UTRN: variants seen among roughly 807,000 people sequenced by gnomAD.
UTRN encodes the protein dystrophin-related protein 1.
In UTRN, 283 loss-of-function variants were observed where a neutral mutation model predicts 463.9. The ratio of observed to expected loss-of-function variants is 0.61; its 90% CI spans 0.55 to 0.67. The LOEUF (loss-of-function observed/expected upper bound fraction) is 0.67. Ranked by LOEUF, UTRN falls within the 30% of genes least tolerant of loss-of-function variation. UTRN has a pLI of 0.00. For synonymous variants in UTRN, 1,442 were observed against 1,431.5 expected, an observed-to-expected ratio of 1.01 and a Z score of -0.17; for missense variants, 3,922 against 4,084.3, an observed-to-expected ratio of 0.96 and a Z score of 1.08.
At chr6:144,580,816 A>T (rs947839550) in intron 51 of UTRN, among the ~76,000 whole-genome samples, 2 of 152,190 alleles carry the variant, frequency 1.3e-5, no homozygotes, top group African/African-American at 4.8e-5. Flanking sequence ...AATTTAGCTG[A>T]TGGTATGAGG....
chr6:144,741,691 C>T (rs1790110866), intron 54 of UTRN, among the ~76,000 whole-genome samples: 1 of 152,100 alleles, frequency 6.6e-6, no homozygotes, highest in Admixed American at 6.5e-5. Flanking sequence ...GGGATTATTC[C>T]TGAATGAAGA....
At chr6:144,403,255 G>T in intron 3 of UTRN, 71 bp downstream of exon 3, 1 of 1,404,032 alleles carries the variant, frequency 7.1e-7, no homozygotes, top group Non-Finnish European at 1.0e-6. Flanking sequence ...GGTTGGAAGT[G>T]CAGTGAATTT....
At chr6:144,335,634 C>T (rs1352998250) in intron 2 of UTRN, among the ~76,000 whole-genome samples, 5 of 152,184 alleles carry the variant, frequency 3.3e-5, no homozygotes, top group African/African-American at 9.6e-5. Flanking sequence ...GTAGGCACTG[C>T]TTAAACCTAT....
chr6:144,461,800 G>A (rs1320694775), intron 22 of UTRN, among the ~76,000 whole-genome samples: 1 of 152,118 alleles, frequency 6.6e-6, no homozygotes, highest in Non-Finnish European at 1.5e-5. Context: ...GGTTTTTAGG[G>A]TTGAGAATAC....
chr6:144,729,571 A>G (rs1337764457), intron 53 of UTRN, among the ~76,000 whole-genome samples: 4 of 152,230 alleles, frequency 2.6e-5, no homozygotes, highest in Non-Finnish European at 5.9e-5. Context: ...AACATTAACA[A>G]ATTCCATTTG....
intron 51 of UTRN, among the ~76,000 whole-genome samples, chr6:144,649,353 C>T (rs180738317): frequency 1.3e-5 from 2 of 152,286 alleles, no homozygotes; most frequent in Admixed American, 6.5e-5. Flanking sequence ...GGAGTCAGGG[C>T]TGCACTCTCC....
chr6:144,637,633 A>G (rs954463293), intron 51 of UTRN, among the ~76,000 whole-genome samples: 13 of 149,920 alleles, frequency 8.7e-5, no homozygotes, highest in African/African-American at 3.3e-4. Context: ...ATTCACATAC[A>G]CGTTGTTTAA....
intron 71 of UTRN, among the ~76,000 whole-genome samples, chr6:144,838,043 T>C (rs1237500320): frequency 1.3e-5 from 2 of 152,226 alleles, no homozygotes; most frequent in East Asian, 1.9e-4. Flanking sequence ...GGATGGATTT[T>C]CTCTTGCAAT....
chr6:144,789,170 A>G, intron 61 of UTRN, 24 bp from the exon 62 acceptor site: 3 of 1,585,510 alleles, frequency 1.9e-6, no homozygotes, highest in Non-Finnish European at 2.6e-6. Flanking sequence ...TGCATCTAAC[A>G]CATTAACATT....
intron 53 of UTRN, among the ~76,000 whole-genome samples, chr6:144,727,074 C>A (rs1787956056): frequency 6.6e-6 from 1 of 152,148 alleles, no homozygotes; most frequent in African/African-American, 2.4e-5. Flanking sequence ...TTACTGTACA[C>A]CTAAGTTGCA....
intron 3 of UTRN, among the ~76,000 whole-genome samples, chr6:144,419,585 T>C (rs1351834628): frequency 1.3e-5 from 2 of 152,182 alleles, no homozygotes; most frequent in East Asian, 3.8e-4. Context: ...ATGGGGTCAT[T>C]CGAGACCCAA....
chr6:144,468,523 T>G (rs573900327), intron 23 of UTRN, among the ~76,000 whole-genome samples: 1 of 152,302 alleles, frequency 6.6e-6, no homozygotes, highest in South Asian at 2.1e-4. Flanking sequence ...TAATGACATT[T>G]GCTTTAGAAA....
intron 63 of UTRN, among the ~76,000 whole-genome samples, chr6:144,794,981 C>T (rs537710138): frequency 6.1e-4 from 93 of 152,264 alleles, no homozygotes; most frequent in Admixed American, 1.2e-3. Context: ...ATCAACCCAT[C>T]ATCTACATTA....
chr6:144,838,976 T>G, intron 71 of UTRN, 197 bp from the exon 72 acceptor site: 2 of 504,760 alleles, frequency 4.0e-6, no homozygotes, highest in Non-Finnish European at 7.1e-6. Flanking sequence ...AAGTGGATTC[T>G]TCAAGGTGTC....
At position 144,499,258 on chromosome 6, in the gene UTRN, T is replaced by G; in HGVS notation, c.4595T>G (p.Val1532Gly). The G allele has an allele frequency of 6.2e-7, 1 of 1,611,118 alleles. No homozygotes were observed. The highest frequency in any genetic ancestry group is 8.5e-7 in the Non-Finnish European group (1 of 1,177,828). ...TCTCCCTGCCTCTCTCCGTCTCAGGTGACAGAAGGAAAACAGGATCTGGAA... is the reference window on the plus strand; with the variant it reads ...TCTCCCTGCCTCTCTCCGTCTCAGGGGACAGAAGGAAAACAGGATCTGGAA... ...KVLYNDLGAQ[V>G]TEGKQDLERA... The change falls in exon 34 of 75, where the codon GTG (valine) becomes GGG (glycine). Residue 1532 changes from valine to glycine, a missense_variant and splice_region_variant. Around this residue, in one of 3 missense-constraint regions of UTRN, gnomAD observed 2,349 missense variants for 2,303.8 expected, o/e 1.02. Transcript: ENST00000367545.
chr6:144,722,248 A>G (rs1586213798), intron 53 of UTRN, among the ~76,000 whole-genome samples: 1 of 151,874 alleles, frequency 6.6e-6, no homozygotes, highest in South Asian at 2.1e-4. Flanking sequence ...GAGCCTTTGC[A>G]CTTTCCATTT....
At chr6:144,772,123 T>G (rs1040483875) in intron 59 of UTRN, among the ~76,000 whole-genome samples, 155 bp downstream of exon 59, 2 of 138,624 alleles carry the variant, frequency 1.4e-5, no homozygotes, top group Non-Finnish European at 3.1e-5. Context: ...AACCTCTGCC[T>G]CCCGGATTCA....
At chr6:144,477,911 C>CTATA (rs1562461150) in intron 25 of UTRN, among the ~76,000 whole-genome samples, 28 of 151,770 alleles carry the variant, frequency 1.8e-4, no homozygotes, top group African/African-American at 6.3e-4. Context: ...ATCTATCTAT[C>CTATA]CATCCATCCA....
At chr6:144,500,369 T>TG (rs1405883497) in intron 34 of UTRN, among the ~76,000 whole-genome samples, 1 of 152,218 alleles carries the variant, frequency 6.6e-6, no homozygotes, top group East Asian at 1.9e-4. Flanking sequence ...ATGTTAGTGA[T>TG]GTTGAGCATT....
Sources: allele counts gnomAD v4.1 joint callset (sites outside exome capture counted in the v4.1 genomes callset), GRCh38; gene constraint gnomAD v4.1.1; regional missense constraint gnomAD v4.1.1; transcripts MANE v1.5; gene names NCBI Gene and HGNC (gene_info 2026-07-23, HGNC 2026-07-21).